Variants in KLKB1 observed in about 807,000 individuals in gnomAD.
KLKB1 encodes the protein kallikrein B1, also known as plasma kallikrein.
Under a neutral mutation model 73.6 loss-of-function variants are expected in KLKB1, and 58 were observed. That is an observed-to-expected ratio of 0.79 (90% CI 0.64 to 0.98). The LOEUF is 0.98. Among genes scored for constraint, KLKB1 ranks in the 50% least tolerant of loss-of-function variants. The pLI is 0.00. For synonymous variants in KLKB1, 280 were observed against 258.1 expected, an observed-to-expected ratio of 1.08 and a Z score of -0.81; for missense variants, 737 against 763.8, an observed-to-expected ratio of 0.96 and a Z score of 0.41.
chr4:186,242,157 G>T (rs929848900), intron 6 of KLKB1, among the ~76,000 whole-genome samples: 4 of 150,186 alleles, frequency 2.7e-5, no homozygotes, highest in African/African-American at 9.8e-5. Flanking sequence ...GCGGTGGGGG[G>T]TCACAAGGTG....
chr4:186,239,978 C>T (rs1737930881), intron 6 of KLKB1, among the ~76,000 whole-genome samples: 1 of 147,664 alleles, frequency 6.8e-6, no homozygotes, highest in South Asian at 2.2e-4. Flanking sequence ...GTTATAGGTA[C>T]AGTGATATAG....
In KLKB1 at chr4:186,251,555, A is replaced by G. The variant is rs201530401; in HGVS notation, c.937A>G (p.Lys313Glu). The G allele has an allele frequency of 2.5e-6, 4 of 1,613,852 alleles. No individual in the cohort carries two copies. Among genetic ancestry groups the G allele is most frequent in the Non-Finnish European group, 3.4e-6 (4 of 1,179,856 alleles). ...GGEELNVTFV[K>E]GVNVCQETCT... ...AGAAGAATTGAATGTGACTTTTGTT[A>G]AAGGAGTGAATGTTTGCCAAGAGAC... The change falls in exon 9 of 15, where the codon AAA becomes GAA. Residue 313 changes from lysine to glutamate, a missense_variant. Transcript: ENST00000264690.
upstream of KLKB1, among the ~76,000 whole-genome samples, chr4:186,226,696 TG>T (rs769185692): frequency 5.8e-4 from 89 of 152,304 alleles, no homozygotes; most frequent in Middle Eastern, 3.4e-3. Flanking sequence ...CAGGCTGTCC[TG>T]GGAACAAGGT....
chr4:186,210,935 C>G (rs111657485), intron 2 of KLKB1: 10 of 289,458 alleles, frequency 3.5e-5, no homozygotes, highest in African/African-American at 2.0e-4. Flanking sequence ...CTCCCAGGTT[C>G]AAGCAATTCT....
At position 186,252,004 on chromosome 4, in the gene KLKB1, GCT is replaced by G; in HGVS notation, c.1145-8_1145-7del. 1.2e-6 allele frequency: 2 copies of G among 1,614,164 alleles called. No homozygotes were observed. The highest frequency in any genetic ancestry group is 8.5e-7 in the Non-Finnish European group (1 of 1,180,034). On this transcript the variant is annotated splice_polypyrimidine_tract_variant and intron_variant, in intron 10 of 14. Transcript: ENST00000264690. ...TCTAATTCCAACCATTAGCGTCAACGCTCTCTTTTCAGTCTGCACAACAAAAA... is the reference window on the plus strand; with the variant it reads ...TCTAATTCCAACCATTAGCGTCAACGCTCTTTTCAGTCTGCACAACAAAAA...
intron 11 of KLKB1, among the ~76,000 whole-genome samples, chr4:186,252,641 G>GATCCCACCACCA (rs1294200047): frequency 1.4e-4 from 3 of 21,200 alleles, no homozygotes; most frequent in African/African-American, 5.4e-4. Context: ...TCCCACCACC[G>GATCCCACCACCA]ATCCCGCCAC....
intron 6 of KLKB1, among the ~76,000 whole-genome samples, chr4:186,245,323 A>G (rs1738272374): frequency 6.6e-6 from 1 of 152,150 alleles, no homozygotes. Flanking sequence ...TACCTAAAGC[A>G]TCTGTGATGG....
In KLKB1 at chr4:186,257,396, G is replaced by A; in HGVS notation, c.1725+31G>A. 3 of 1,539,904 alleles carry A rather than the reference G, an allele frequency of 1.9e-6. No individual in the cohort carries two copies. In the South Asian group the frequency reaches 4.0e-5, roughly 20 times the overall value. On this transcript the variant is annotated intron_variant, in intron 14 of 14. Coordinates refer to ENST00000264690, the MANE Select transcript of KLKB1 (RefSeq NM_000892.5). ...TCATGAGATTATGAAAAACACAATAGGCTGCTTGAGAAAATTCATTTCAAA... is the reference window on the plus strand; with the variant it reads ...TCATGAGATTATGAAAAACACAATAAGCTGCTTGAGAAAATTCATTTCAAA...
rs151099382 is a variant in KLKB1, at chr4:186,254,611, G to A, written c.1337G>A (p.Arg446His). 2.0e-4 allele frequency: 320 copies of A among 1,613,764 alleles called. No homozygotes were observed. Among genetic ancestry groups the A allele is most frequent in the Non-Finnish European group, 2.5e-4 (297 of 1,179,824 alleles). Reference protein sequence around the residue: ...FDGLPLQDVWRIYSGILNLSD... With the variant: ...FDGLPLQDVWHIYSGILNLSD... ...AGGCTTCCCCTGCAGGATGTTTGGC[G>A]CATCTATAGTGGCATTTTAAATCTG... The change falls in exon 12 of 15, where the codon CGC becomes CAC. Residue 446 changes from arginine (R) to histidine (H), a missense_variant. Physicochemically the swap from Arg to His is conservative, Grantham distance 29 (BLOSUM62 0). Coordinates refer to ENST00000264690, the MANE Select transcript of KLKB1 (RefSeq NM_000892.5).
chr4:186,232,000 A>G (rs1737419320), intron 2 of KLKB1, 127 bp from the exon 3 acceptor site: 1 of 653,016 alleles, frequency 1.5e-6, no homozygotes, highest in Admixed American at 3.2e-5. Flanking sequence ...TTTTCTCAGC[A>G]TAATTAGAGT....
At chr4:186,248,073 C>T (rs983942852) in intron 6 of KLKB1, among the ~76,000 whole-genome samples, 10 of 152,066 alleles carry the variant, frequency 6.6e-5, no homozygotes, top group Non-Finnish European at 1.3e-4. Context: ...CGGTGAAGCC[C>T]TATCTGTACT....
chr4:186,220,985 C>G (rs1274029810), intron 2 of KLKB1, among the ~76,000 whole-genome samples: 1 of 152,106 alleles, frequency 6.6e-6, no homozygotes, highest in Non-Finnish European at 1.5e-5. Context: ...AACCTCCTTA[C>G]TCATTATTGG....
intron 2 of KLKB1, among the ~76,000 whole-genome samples, chr4:186,215,032 GA>G (rs1414451274): frequency 6.6e-6 from 1 of 152,042 alleles, no homozygotes; most frequent in Admixed American, 6.6e-5. Context: ...ATGTTTCACA[GA>G]AATAACGGCT....
intron 2 of KLKB1, among the ~76,000 whole-genome samples, chr4:186,217,675 G>A (rs1227654747): frequency 6.6e-6 from 1 of 152,182 alleles, no homozygotes; most frequent in Non-Finnish European, 1.5e-5. Flanking sequence ...AGCAGAAAAA[G>A]GAGAATCAGT....
chr4:186,214,502 A>G (rs1736831912), intron 2 of KLKB1, among the ~76,000 whole-genome samples: 1 of 152,210 alleles, frequency 6.6e-6, no homozygotes, highest in Non-Finnish European at 1.5e-5. Context: ...GATCATCAGC[A>G]TATATGCCCA....
intron 4 of KLKB1, among the ~76,000 whole-genome samples, chr4:186,234,872 G>A (rs1318309702): frequency 6.6e-6 from 1 of 152,184 alleles, no homozygotes; most frequent in Non-Finnish European, 1.5e-5. Context: ...AGATTCAACT[G>A]ATGGGTTGTC....
chr4:186,240,529 GC>G (rs1737976546), intron 6 of KLKB1, among the ~76,000 whole-genome samples: 1 of 152,182 alleles, frequency 6.6e-6, no homozygotes, highest in African/African-American at 2.4e-5. Context: ...CCAGAAAATT[GC>G]CATGACATTC....
Position 186,236,781 on chromosome 4 carries a change from C to T in KLKB1, c.329C>T (p.Ala110Val). 1.2e-6 allele frequency: 2 copies of T among 1,613,788 alleles called. No homozygotes were observed. Among genetic ancestry groups the T allele is most frequent in the Non-Finnish European group, 1.7e-6 (2 of 1,179,764 alleles). ...TGCTCTATGTATTTTTCTTGTACAGCTTGCCATCGAGACATTTATAAAGGA... is the reference window on the plus strand; with the variant it reads ...TGCTCTATGTATTTTTCTTGTACAGTTTGCCATCGAGACATTTATAAAGGA... ...SLKQCGHQIS[A>V]CHRDIYKGVD... Residue 110 changes from alanine (A) to valine (V), a missense_variant and splice_region_variant, in exon 5 of 15, where the codon GCT becomes GTT. Physicochemically the swap from Ala to Val is moderately conservative, Grantham distance 64 (BLOSUM62 0). Transcript: ENST00000264690.
rs146204944 is a variant in KLKB1 at position 186,236,882 on chromosome 4, A to G, written c.430A>G (p.Asn144Asp). 188 of 1,614,022 alleles carry G rather than the reference A, an allele frequency of 1.2e-4. No individual in the cohort carries two copies. The highest frequency in any genetic ancestry group is 1.5e-4 in the Non-Finnish European group (178 of 1,180,020). ...AGAATGCCAAAAAAGGTGCACCAGT[A>G]ACATTCGCTGCCAGTTTTTTTCATA... ...VEECQKRCTS[N>D]IRCQFFSYAT... Residue 144 changes from asparagine to aspartate, a missense_variant, in exon 5 of 15, where the codon AAC becomes GAC. By Grantham distance (23) the Asn-to-Asp change is conservative (BLOSUM62 1). Coordinates refer to ENST00000264690, the MANE Select transcript of KLKB1 (RefSeq NM_000892.5).
Sources: allele counts gnomAD v4.1 joint callset (sites outside exome capture counted in the v4.1 genomes callset), GRCh38; gene constraint gnomAD v4.1.1; transcripts MANE v1.5; gene names NCBI Gene and HGNC (gene_info 2026-07-23, HGNC 2026-07-21).